VSNL1: variants seen among roughly 807,000 people sequenced by gnomAD.
The protein encoded by VSNL1 is visinin-like protein 1.
VSNL1 carries 6 observed loss-of-function variants against 20.4 expected under a neutral mutation model. The observed-to-expected ratio is 0.29, with a 90% CI of 0.16 to 0.58. The LOEUF is 0.58. Among genes scored for constraint, VSNL1 ranks in the 20% least tolerant of loss-of-function variants. The pLI is 0.90. For missense variants in VSNL1, 100 were observed against 234.5 expected (o/e 0.43, Z 3.75); for synonymous variants, 93 against 86.4 (o/e 1.08, Z -0.42).
chr2:17,592,866 G>A (rs1664627273), intron 2 of VSNL1, among the ~76,000 whole-genome samples: 1 of 151,712 alleles, frequency 6.6e-6, no homozygotes, highest in Non-Finnish European at 1.5e-5. Flanking sequence ...TCCCATAAAA[G>A]GTACAATTTC....
chr2:17,638,615 G>A (rs1360834132), intron 2 of VSNL1, among the ~76,000 whole-genome samples: 1 of 152,242 alleles, frequency 6.6e-6, no homozygotes, highest in Non-Finnish European at 1.5e-5. Context: ...AGTAGAGCGA[G>A]TTCCAGACCT....
chr2:17,572,569 C>T (rs16983639), intron 1 of VSNL1, among the ~76,000 whole-genome samples: 5,024 of 152,274 alleles, frequency 0.033, 88 homozygotes, highest in East Asian at 0.098. Flanking sequence ...CCTCTTGTTT[C>T]ATGCCATACA....
chr2:17,569,953 C>G (rs1337251300), intron 1 of VSNL1, among the ~76,000 whole-genome samples: 1 of 152,164 alleles, frequency 6.6e-6, no homozygotes, highest in Non-Finnish European at 1.5e-5. Context: ...GGTAAGCATT[C>G]CAATTCAGGA....
chr2:17,547,601 A>T (rs1051204073), intron 1 of VSNL1, among the ~76,000 whole-genome samples: 1 of 152,134 alleles, frequency 6.6e-6, no homozygotes, highest in Admixed American at 6.6e-5. Context: ...ATGCAATTTT[A>T]AGTCAAGTGA....
chr2:17,552,203 AAAAAAAAAAC>A (rs1663558372), intron 1 of VSNL1, among the ~76,000 whole-genome samples: 1 of 151,438 alleles, frequency 6.6e-6, no homozygotes, highest in African/African-American at 2.4e-5. Flanking sequence ...CCATCTCAAA[AAAAAAAAAAC>A]AAAAAAAAAC....
rs576695151 is a variant in VSNL1, at chr2:17,571,556, A to C, written c.-5-20514A>C. ...TCACTATCAAGATAGCCTATTTTTA[A>C]AAATGATCAAAAATTAAGATATTCA... On this transcript the variant is annotated intron_variant, in intron 1 of 3. Coordinates refer to ENST00000295156, the MANE Select transcript of VSNL1 (RefSeq NM_003385.5). Among the ~76,000 whole-genome samples the C allele has an allele frequency of 3.9e-5, 6 of 152,354 alleles. No homozygotes were observed. The East Asian group carries it at 1.2e-3, about 29-fold the overall frequency.
intron 2 of VSNL1, among the ~76,000 whole-genome samples, chr2:17,613,033 C>G (rs1042691782): frequency 1.3e-5 from 2 of 152,184 alleles, no homozygotes; most frequent in African/African-American, 4.8e-5. Context: ...TCCCTTAACT[C>G]CCTAGGCCAT....
intron 1 of VSNL1, among the ~76,000 whole-genome samples, chr2:17,574,837 G>T (rs1664167891): frequency 6.6e-6 from 1 of 152,106 alleles, no homozygotes; most frequent in Non-Finnish European, 1.5e-5. Flanking sequence ...TGTGATCACG[G>T]CTCACTGCAG....
At chr2:17,571,841 AG>A (rs1220336159) in intron 1 of VSNL1, among the ~76,000 whole-genome samples, 2 of 152,252 alleles carry the variant, frequency 1.3e-5, no homozygotes, top group Non-Finnish European at 2.9e-5. Flanking sequence ...TAGGCCAGAA[AG>A]ACCTGACAGG....
chr2:17,588,159 C>T (rs150275655), intron 1 of VSNL1, among the ~76,000 whole-genome samples: 16 of 152,276 alleles, frequency 1.1e-4, no homozygotes, highest in East Asian at 9.6e-4. Context: ...TAATACACTC[C>T]GGTTTCTGTC....
intron 2 of VSNL1, among the ~76,000 whole-genome samples, chr2:17,638,897 G>A (rs887789652): frequency 6.6e-5 from 10 of 152,198 alleles, no homozygotes; most frequent in Non-Finnish European, 8.8e-5. Context: ...CCAGCTCCCC[G>A]TTATCCCTCA....
intron 2 of VSNL1, among the ~76,000 whole-genome samples, chr2:17,604,058 C>T (rs181512498): frequency 6.6e-6 from 1 of 152,320 alleles, no homozygotes; most frequent in East Asian, 1.9e-4. Context: ...AAACTGGCAA[C>T]TGCAGCAACA....
Position 17,620,566 on chromosome 2 carries a change from G to A in VSNL1, c.162+28330G>A, listed in dbSNP as rs74646864. Among the ~76,000 whole-genome samples the A allele has an allele frequency of 3.5e-4, 53 of 152,270 alleles. No homozygotes were observed. The East Asian group carries it at 8.9e-3, about 26-fold the overall frequency. The stretch of plus-strand genomic sequence containing the variant: ...AGCCCAGGATTCCTCACCCACAGAC[G>A]AAGCCTCTAATTAAAACAAAGGGGC... On this transcript the variant is annotated intron_variant, in intron 2 of 3. Coordinates refer to ENST00000295156, the MANE Select transcript of VSNL1 (RefSeq NM_003385.5).
chr2:17,642,225 G>A (rs10495667), intron 2 of VSNL1, among the ~76,000 whole-genome samples: 12,641 of 151,340 alleles, frequency 0.084, 1,026 homozygotes, highest in African/African-American at 0.21. Flanking sequence ...CCTTATTCGA[G>A]AGCAGTAAGG....
Position 17,634,997 on chromosome 2 carries a change from C to T in VSNL1, c.163-14413C>T, listed in dbSNP as rs1665720221. On this transcript the variant is annotated intron_variant, in intron 2 of 3. Transcript: ENST00000295156. This position sits in a 1 kb window ranked among gnomAD's most constrained non-coding sequence, Gnocchi z 4.3. The stretch of plus-strand genomic sequence containing the variant: ...ACATGTGCACATACATACATACACA[C>T]TTGGCTCAGGGCACATGAGGGTTTG... Among the ~76,000 whole-genome samples, 1 of 152,192 alleles carries T rather than the reference C, an allele frequency of 6.6e-6. No homozygotes were observed. Among genetic ancestry groups the T allele is most frequent in the Non-Finnish European group, 1.5e-5 (1 of 68,044 alleles).
At chr2:17,608,321 G>A (rs141290716) in intron 2 of VSNL1, among the ~76,000 whole-genome samples, 1 of 152,204 alleles carries the variant, frequency 6.6e-6, no homozygotes, top group African/African-American at 2.4e-5. Context: ...TTTAAAAAAT[G>A]TGACATGTCT....
In VSNL1 at chr2:17,540,833, C is replaced by G. The variant is rs889965432; in HGVS notation, c.-91C>G. 6.6e-6 allele frequency: 1 copy of G among 152,634 alleles called. No individual in the cohort carries two copies. The highest frequency in any genetic ancestry group is 1.5e-5 in the Non-Finnish European group (1 of 68,048). The allele number at this position is 152,634 out of a possible 1,614,324, so 9.5% of individuals were successfully genotyped here. On this transcript the variant is annotated 5_prime_UTR_variant, in exon 1 of 4. Transcript: ENST00000295156. ...GAACCACACACAGAGACGGCTTAAG[C>G]GTTTACCCGAATTAAATATATATTT...
intron 2 of VSNL1, among the ~76,000 whole-genome samples, chr2:17,605,384 C>A (rs1483783408): frequency 6.6e-6 from 1 of 151,206 alleles, no homozygotes. Flanking sequence ...CTGACCCAGT[C>A]ACCACTGCTT....
chr2:17,602,801 A>G (rs976371092), intron 2 of VSNL1, among the ~76,000 whole-genome samples: 1 of 152,016 alleles, frequency 6.6e-6, no homozygotes, highest in African/African-American at 2.4e-5. Context: ...TAAAATGTCA[A>G]AGGGAGGAAT....
Sources: gnomAD v4.1 joint callset for allele counts (sites outside exome capture counted in the v4.1 genomes callset) on GRCh38, gnomAD v4.1.1 for gene constraint, Gnocchi (gnomAD v3.1) non-coding constraint, MANE v1.5 for transcripts, NCBI Gene and HGNC (gene_info 2026-07-23, HGNC 2026-07-21) for gene names.